ZNF138: variants seen among roughly 807,000 people sequenced by gnomAD.
ZNF138 encodes the protein zinc finger protein 138.
ZNF138 carries 33 observed loss-of-function variants against 33.0 expected under a neutral mutation model. That is an observed-to-expected ratio of 1.00 (90% CI 0.76 to 1.34). ZNF138 has a LOEUF of 1.34. ZNF138 is among the 40% of genes most tolerant of loss of function. The probability of loss-of-function intolerance (pLI) is 0.00; values close to 1 mark genes in which losing one functional copy is unlikely to be tolerated. For missense variants in ZNF138, 360 were observed against 370.8 expected (o/e 0.97, Z 0.24); for synonymous variants, 139 against 120.4 (o/e 1.15, Z -1.01).
chr7:64,806,166 G>T (rs1403171664), intron 1 of ZNF138, among the ~76,000 whole-genome samples: 3 of 152,100 alleles, frequency 2.0e-5, no homozygotes. Flanking sequence ...TAATCTAGAG[G>T]GGCCTTTCTC....
downstream of ZNF138, among the ~76,000 whole-genome samples, chr7:64,834,835 AAATT>A (rs1224339647): frequency 1.3e-5 from 2 of 152,152 alleles, no homozygotes; most frequent in East Asian, 1.9e-4. Flanking sequence ...ATTTTAGTTA[AAATT>A]AATTAGTATA....
chr7:64,852,334 G>T, the ZNF138 span: 3 of 1,100,780 alleles, frequency 2.7e-6, no homozygotes, highest in Non-Finnish European at 2.7e-6. Context: ...TTTAATTGAA[G>T]CGATGATAAA....
chr7:64,803,398 A>G (rs943573495), intron 1 of ZNF138, among the ~76,000 whole-genome samples: 4 of 152,198 alleles, frequency 2.6e-5, no homozygotes, highest in Admixed American at 1.3e-4. Context: ...GATGAAGACT[A>G]AAAGATACCA....
At chr7:64,814,214 A>G in intron 1 of ZNF138, 1 of 882,112 alleles carries the variant, frequency 1.1e-6, no homozygotes, top group Non-Finnish European at 1.4e-6. Context: ...AATCTGCATT[A>G]ACCAGATCTC....
the ZNF138 span, among the ~76,000 whole-genome samples, chr7:64,843,360 A>T: frequency 6.6e-6 from 1 of 152,160 alleles, no homozygotes; most frequent in Non-Finnish European, 1.5e-5. Flanking sequence ...TTAATTTTAA[A>T]TTTTTTTGAG....
chr7:64,853,063 T>A, the ZNF138 span: 1 of 1,453,394 alleles, frequency 6.9e-7, no homozygotes, highest in Non-Finnish European at 9.7e-7. Context: ...CTATCCTGCC[T>A]GTCACGTAAG....
At chr7:64,804,424 C>A (rs553402897) in intron 1 of ZNF138, among the ~76,000 whole-genome samples, 1 of 152,122 alleles carries the variant, frequency 6.6e-6, no homozygotes, top group Non-Finnish European at 1.5e-5. Flanking sequence ...ATTGCTTACT[C>A]GGGGAGCTCA....
intron 1 of ZNF138, among the ~76,000 whole-genome samples, chr7:64,806,719 A>G (rs1787628667): frequency 6.6e-6 from 1 of 152,238 alleles, no homozygotes; most frequent in Admixed American, 6.5e-5. Context: ...TATTTCTACA[A>G]GTAGCTAAAA....
intron 3 of ZNF138, chr7:64,831,125 G>C (rs779716745): frequency 7.7e-6 from 12 of 1,550,074 alleles, no homozygotes; most frequent in Non-Finnish European, 6.1e-6. Context: ...CCAAGAGTTG[G>C]CAGTTTACTT....
chr7:64,817,994 TTA>T (rs201300154), intron 3 of ZNF138, among the ~76,000 whole-genome samples: 2,738 of 126,100 alleles, frequency 0.022, 59 homozygotes, highest in East Asian at 0.13. Flanking sequence ...ATTATTATTA[TTA>T]TTTTTTTTTT....
chr7:64,823,453 A>G (rs1203379547), intron 3 of ZNF138, among the ~76,000 whole-genome samples: 1 of 152,044 alleles, frequency 6.6e-6, no homozygotes, highest in East Asian at 1.9e-4. Context: ...CTTCAACCTC[A>G]GCCTCCTGAG....
At chr7:64,818,642 C>T (rs1253503262) in intron 3 of ZNF138, among the ~76,000 whole-genome samples, 1 of 146,806 alleles carries the variant, frequency 6.8e-6, no homozygotes, top group Non-Finnish European at 1.5e-5. Flanking sequence ...CCCAGCTACT[C>T]AGGAGGCTGA....
intron 3 of ZNF138, among the ~76,000 whole-genome samples, chr7:64,818,699 G>A (rs1788874174): frequency 7.3e-6 from 1 of 137,576 alleles, no homozygotes; most frequent in South Asian, 2.2e-4. Context: ...GTGGTGAGCC[G>A]AGATCATGCC....
intron 1 of ZNF138, among the ~76,000 whole-genome samples, chr7:64,796,689 T>C (rs1167571109): frequency 6.6e-6 from 1 of 152,196 alleles, no homozygotes; most frequent in Admixed American, 6.5e-5. Flanking sequence ...GCTTAGCTTT[T>C]AGAATGCTAC....
At chr7:64,853,169 C>T in the ZNF138 span, 1 of 1,545,578 alleles carries the variant, frequency 6.5e-7, no homozygotes, top group African/African-American at 1.4e-5. Flanking sequence ...CAATGCCAAG[C>T]CTTGGCATAA....
intron 1 of ZNF138, among the ~76,000 whole-genome samples, chr7:64,802,900 T>TTTGTC (rs924386767): frequency 6.6e-6 from 1 of 151,824 alleles, no homozygotes; most frequent in Non-Finnish European, 1.5e-5. Flanking sequence ...CCTGCCTCGT[T>TTTGTC]TTGTCTTGTC....
intron 3 of ZNF138, among the ~76,000 whole-genome samples, chr7:64,817,294 T>C (rs1788725850): frequency 6.6e-6 from 1 of 152,182 alleles, no homozygotes; most frequent in Admixed American, 6.5e-5. Context: ...GAGCAGGACC[T>C]CTCCCAGACT....
intron 1 of ZNF138, among the ~76,000 whole-genome samples, chr7:64,802,103 A>G (rs1421605174): frequency 1.3e-5 from 2 of 152,240 alleles, no homozygotes; most frequent in Admixed American, 1.3e-4. Flanking sequence ...AATGAAATAC[A>G]TTTAAGAAAT....
At chr7:64,810,711 A>C (rs1788103334) in intron 1 of ZNF138, among the ~76,000 whole-genome samples, 1 of 152,114 alleles carries the variant, frequency 6.6e-6, no homozygotes, top group Non-Finnish European at 1.5e-5. Context: ...AATTCTACAT[A>C]GGGTACACTC....
Sources: gnomAD v4.1 joint callset for allele counts (sites outside exome capture counted in the v4.1 genomes callset) on GRCh38, gnomAD v4.1.1 for gene constraint, MANE v1.5 for transcripts, NCBI Gene and HGNC (gene_info 2026-07-23, HGNC 2026-07-21) for gene names.